Variants in CRACD observed in about 807,000 individuals in gnomAD.
The protein encoded by CRACD is capping protein-inhibiting regulator of actin dynamics.
Under a neutral mutation model 106.8 loss-of-function variants are expected in CRACD, and 56 were observed. The ratio of observed to expected loss-of-function variants is 0.52; its 90% CI spans 0.42 to 0.66. CRACD has a LOEUF of 0.66. Among genes scored for constraint, CRACD ranks in the 30% least tolerant of loss-of-function variants. The pLI is 0.00. For missense variants in CRACD, 1,730 were observed against 1,623.2 expected, an observed-to-expected ratio of 1.07 and a Z score of -1.13; for synonymous variants, 754 against 670.8, an observed-to-expected ratio of 1.12 and a Z score of -1.92.
intron 2 of CRACD, among the ~76,000 whole-genome samples, chr4:56,223,270 T>C (rs1452676028): frequency 6.6e-6 from 1 of 151,912 alleles, no homozygotes; most frequent in East Asian, 1.9e-4. Flanking sequence ...CTCTTGAGTC[T>C]CCCACAGTCT....
chr4:56,132,730 A>C (rs928071978), intron 1 of CRACD, among the ~76,000 whole-genome samples: 1 of 152,186 alleles, frequency 6.6e-6, no homozygotes, highest in African/African-American at 2.4e-5. Context: ...GAGGGCAGAC[A>C]CATCATTTCC....
chr4:56,094,603 G>A (rs1427517421), intron 1 of CRACD, among the ~76,000 whole-genome samples: 7 of 151,906 alleles, frequency 4.6e-5, no homozygotes, highest in South Asian at 2.1e-4. Context: ...ACAGGCATGC[G>A]CCACCACACT....
intron 2 of CRACD, among the ~76,000 whole-genome samples, chr4:56,208,478 T>C (rs1249432950): frequency 1.3e-5 from 2 of 152,226 alleles, no homozygotes; most frequent in East Asian, 3.9e-4. Context: ...CATTTTGTTA[T>C]GTCAGAGTTT....
chr4:56,293,926 A>G (rs975295961), intron 3 of CRACD, among the ~76,000 whole-genome samples: 12 of 49,150 alleles, frequency 2.4e-4, no homozygotes, highest in Non-Finnish European at 3.2e-4. Flanking sequence ...CAAAAATTCT[A>G]TGCTTCAGGT....
chr4:56,233,100 A>T (rs1739742740), intron 2 of CRACD, among the ~76,000 whole-genome samples: 2 of 148,132 alleles, frequency 1.4e-5, no homozygotes, highest in South Asian at 4.4e-4. Context: ...TGAAATGTTC[A>T]TTTCTTTTCT....
At chr4:56,248,619 C>A (rs1740847717) in intron 2 of CRACD, among the ~76,000 whole-genome samples, 1 of 150,624 alleles carries the variant, frequency 6.6e-6, no homozygotes, top group East Asian at 1.9e-4. Context: ...TACATGTGCA[C>A]ATTGTGCAGG....
At position 56,316,341 on chromosome 4, in the gene CRACD, G is replaced by C. The variant is rs754821317; in HGVS notation, c.2839G>C (p.Glu947Gln). 7 of 1,613,928 alleles carry C rather than the reference G, an allele frequency of 4.3e-6. No individual in the cohort carries two copies. Among genetic ancestry groups the C allele is most frequent in the African/African-American group, 1.3e-5 (1 of 74,946 alleles). The change falls in exon 8 of 11, where the codon GAG becomes CAG. Residue 947 changes from glutamate to glutamine, a missense_variant. Transcript: ENST00000682029. ...GGCCAGCAGCCAGACCCCGGCTCCG[G>C]AGCACGACAAGGCAGCAAACAAAAT... Reference protein sequence around the residue: ...PPASSQTPAPEHDKAANKMPL... With the variant: ...PPASSQTPAPQHDKAANKMPL...
chr4:56,254,234 A>G (rs116119749), intron 2 of CRACD, among the ~76,000 whole-genome samples: 2,307 of 152,306 alleles, frequency 0.015, 60 homozygotes, highest in African/African-American at 0.053. Flanking sequence ...GTGCTCTCCA[A>G]TGAGAGCAGA....
intron 7 of CRACD, 91 bp from the exon 8 acceptor site, chr4:56,313,949 T>G: frequency 6.7e-7 from 1 of 1,497,870 alleles, no homozygotes; most frequent in Non-Finnish European, 9.0e-7. Context: ...TCTTGAGAAA[T>G]TAAGAGGGTC....
chr4:56,267,551 A>G (rs1742095086), intron 2 of CRACD, among the ~76,000 whole-genome samples: 1 of 152,234 alleles, frequency 6.6e-6, no homozygotes, highest in African/African-American at 2.4e-5. Context: ...CAGACTTTTA[A>G]TGATAGCATC....
rs1745590992 is a variant in CRACD at position 56,315,806 on chromosome 4, G to A, written c.2304G>A (p.Glu768=). The change falls in exon 8 of 11, where the codon GAG becomes GAA. Residue 768 remains glutamate, a synonymous_variant. Transcript: ENST00000682029. The surrounding 1 kb of genome is among the most constrained non-coding windows in gnomAD (Gnocchi z 4.1). ...AGCCTCCTCCTGCTGGTGTTCGCGA[G>A]CTCGGGAAGGGTCCGGAGAAGTCGG... The part of the protein sequence containing the change: ...APQPPPAGVR[E]LGKGPEKSEM... 2 of 1,614,098 alleles carry A rather than the reference G, an allele frequency of 1.2e-6. No homozygotes were observed. Among genetic ancestry groups the A allele is most frequent in the Middle Eastern group, 1.6e-4 (1 of 6,084 alleles).
chr4:56,086,467 A>G (rs1733223332), intron 1 of CRACD, among the ~76,000 whole-genome samples: 1 of 151,982 alleles, frequency 6.6e-6, no homozygotes, highest in African/African-American at 2.4e-5. Flanking sequence ...GTTGAATCCT[A>G]TTACTCACAC....
At chr4:56,113,302 G>A (rs1291341127) in intron 1 of CRACD, among the ~76,000 whole-genome samples, 1 of 152,160 alleles carries the variant, frequency 6.6e-6, no homozygotes, top group Non-Finnish European at 1.5e-5. Context: ...TCTTTTCAAA[G>A]TGCTAAAATA....
At chr4:56,216,282 T>C (rs1240760461) in intron 2 of CRACD, 1 of 152,280 alleles carries the variant, frequency 6.6e-6, no homozygotes, top group Non-Finnish European at 1.5e-5. Context: ...AGGTAAGTAA[T>C]GTGGAGTGGG....
intron 2 of CRACD, among the ~76,000 whole-genome samples, 172 bp from the exon 3 acceptor site, chr4:56,272,149 C>T (rs932364726): frequency 3.3e-5 from 5 of 152,216 alleles, no homozygotes; most frequent in Non-Finnish European, 7.3e-5. Context: ...GCATGGATCG[C>T]GCTGGGGCTG....
intron 2 of CRACD, among the ~76,000 whole-genome samples, chr4:56,266,305 T>C (rs1403355717): frequency 1.3e-5 from 2 of 152,208 alleles, no homozygotes; most frequent in Non-Finnish European, 2.9e-5. Context: ...GAGAGGCTGG[T>C]AAGCAGATGT....
At chr4:56,061,600 T>A (rs1314991928) in intron 1 of CRACD, among the ~76,000 whole-genome samples, 1 of 152,086 alleles carries the variant, frequency 6.6e-6, no homozygotes, top group Non-Finnish European at 1.5e-5. Flanking sequence ...ACAGACAGGA[T>A]CCCTGCACCG....
chr4:56,241,527 T>G (rs1321596416), intron 2 of CRACD, among the ~76,000 whole-genome samples: 1 of 152,128 alleles, frequency 6.6e-6, no homozygotes, highest in Non-Finnish European at 1.5e-5. Flanking sequence ...TCTTATTCAT[T>G]TAATAAGTGA....
intron 1 of CRACD, among the ~76,000 whole-genome samples, chr4:56,096,628 T>C (rs1369690832): frequency 6.8e-6 from 1 of 147,696 alleles, no homozygotes; most frequent in Non-Finnish European, 1.5e-5. Flanking sequence ...TGAGACCTTG[T>C]CTTAAAAAAA....
Sources: allele counts gnomAD v4.1 joint callset (sites outside exome capture counted in the v4.1 genomes callset), GRCh38; gene constraint gnomAD v4.1.1; non-coding constraint Gnocchi (gnomAD v3.1); transcripts MANE v1.5; gene names NCBI Gene and HGNC (gene_info 2026-07-23, HGNC 2026-07-21).